MACROD2: variants seen among roughly 807,000 people sequenced by gnomAD.
MACROD2 encodes ADP-ribose glycohydrolase MACROD2.
A neutral mutation model predicts 70.4 loss-of-function variants in MACROD2; 36 were observed. The ratio of observed to expected loss-of-function variants is 0.51; its 90% CI spans 0.39 to 0.68. MACROD2 has a LOEUF of 0.68. Ranked by LOEUF, MACROD2 falls within the 30% of genes least tolerant of loss-of-function variation. The probability of loss-of-function intolerance (pLI) is 0.00; values close to 1 mark genes in which losing one functional copy is unlikely to be tolerated. For missense variants in MACROD2, 496 were observed against 538.4 expected (o/e 0.92, Z 0.78); for synonymous variants, 172 against 178.8 (o/e 0.96, Z 0.30).
chr20:15,879,318 G>C (rs963041268), intron 9 of MACROD2, among the ~76,000 whole-genome samples: 4 of 152,006 alleles, frequency 2.6e-5, no homozygotes, highest in Admixed American at 2.6e-4. Flanking sequence ...TACTTCCATA[G>C]ACTATCACCT....
At chr20:15,407,287 A>T (rs1428222509) in intron 6 of MACROD2, among the ~76,000 whole-genome samples, 2 of 151,992 alleles carry the variant, frequency 1.3e-5, no homozygotes, top group African/African-American at 4.8e-5. Flanking sequence ...GTGGGTAAAC[A>T]CCCTTGCTAA....
At chr20:14,811,219 G>A (rs1003522095) in intron 5 of MACROD2, among the ~76,000 whole-genome samples, 2 of 152,036 alleles carry the variant, frequency 1.3e-5, no homozygotes, top group Admixed American at 1.3e-4. Flanking sequence ...AAAACAGCAT[G>A]GTACTGGTAC....
At chr20:15,974,066 T>C (rs187544148) in intron 13 of MACROD2, among the ~76,000 whole-genome samples, 25 of 152,264 alleles carry the variant, frequency 1.6e-4, no homozygotes, top group African/African-American at 5.8e-4. Flanking sequence ...GTCCTTGCTA[T>C]AGGAATAGAC....
chr20:15,086,829 C>T (rs575190204), intron 5 of MACROD2, among the ~76,000 whole-genome samples: 5 of 151,968 alleles, frequency 3.3e-5, no homozygotes, highest in East Asian at 1.9e-4. Context: ...GTTCAAGATC[C>T]CCCGCTTACT....
intron 6 of MACROD2, among the ~76,000 whole-genome samples, chr20:15,251,672 T>C (rs575387532): frequency 6.6e-6 from 1 of 152,338 alleles, no homozygotes; most frequent in African/African-American, 2.4e-5. Context: ...GTTATCTTCT[T>C]TTCTTTTTCA....
chr20:14,584,457 A>T (rs1332038503), intron 4 of MACROD2, among the ~76,000 whole-genome samples: 1 of 152,102 alleles, frequency 6.6e-6, no homozygotes, highest in Non-Finnish European at 1.5e-5. Flanking sequence ...GGGCCAATTC[A>T]GTTTCTGGTG....
At chr20:14,023,555 T>G (rs1349185101) in intron 2 of MACROD2, among the ~76,000 whole-genome samples, 7 of 152,234 alleles carry the variant, frequency 4.6e-5, no homozygotes, top group Non-Finnish European at 1.0e-4. Context: ...AAGTCTTTAA[T>G]CTATCTTGAG....
intron 3 of MACROD2, among the ~76,000 whole-genome samples, chr20:14,463,923 G>C (rs2084405024): frequency 6.6e-6 from 1 of 151,904 alleles, no homozygotes; most frequent in African/African-American, 2.4e-5. Flanking sequence ...ATGTGTCACT[G>C]GGTTTGGTTT....
intron 2 of MACROD2, among the ~76,000 whole-genome samples, chr20:14,085,052 G>A (rs1207611207): frequency 7.1e-6 from 1 of 141,580 alleles, no homozygotes; most frequent in Non-Finnish European, 1.5e-5. Context: ...TGGGGGAGAG[G>A]TGGGCGGGGC....
At chr20:14,106,726 A>G (rs1202140964) in intron 3 of MACROD2, among the ~76,000 whole-genome samples, 1 of 152,148 alleles carries the variant, frequency 6.6e-6, no homozygotes, top group Non-Finnish European at 1.5e-5. Flanking sequence ...GTGGCTCAGC[A>G]TAGAGAAAGA....
At chr20:15,051,634 A>G (rs1358064020) in intron 5 of MACROD2, among the ~76,000 whole-genome samples, 1 of 152,122 alleles carries the variant, frequency 6.6e-6, no homozygotes, top group Non-Finnish European at 1.5e-5. Context: ...AACTGGTTGT[A>G]GATGTTAATC....
chr20:15,610,211 G>A (rs924791687), intron 8 of MACROD2, among the ~76,000 whole-genome samples: 41 of 152,134 alleles, frequency 2.7e-4, no homozygotes, highest in African/African-American at 7.7e-4. Flanking sequence ...TCCCACAACC[G>A]TTGCCACTTT....
intron 8 of MACROD2, among the ~76,000 whole-genome samples, chr20:15,783,929 C>T (rs914966388): frequency 1.3e-5 from 2 of 152,092 alleles, no homozygotes; most frequent in African/African-American, 4.8e-5. Context: ...TGCTGACCCA[C>T]GATGAGGAAA....
chr20:15,514,301 C>T (rs1277747304), intron 8 of MACROD2, among the ~76,000 whole-genome samples: 4 of 152,290 alleles, frequency 2.6e-5, no homozygotes, highest in Non-Finnish European at 1.5e-5. Flanking sequence ...CTGGCTTTCC[C>T]AGAGTAACTC....
chr20:15,572,218 G>A (rs2048385568), intron 8 of MACROD2, among the ~76,000 whole-genome samples: 1 of 152,002 alleles, frequency 6.6e-6, no homozygotes, highest in Non-Finnish European at 1.5e-5. Context: ...ATGTATCCTG[G>A]AAATGACAGC....
At chr20:14,517,282 C>G (rs936635181) in intron 4 of MACROD2, among the ~76,000 whole-genome samples, 31 of 152,098 alleles carry the variant, frequency 2.0e-4, no homozygotes, top group African/African-American at 6.8e-4. Context: ...AGACTTGGAA[C>G]CAACCCAAAT....
At chr20:15,516,406 A>G (rs970959782) in intron 8 of MACROD2, among the ~76,000 whole-genome samples, 3 of 152,166 alleles carry the variant, frequency 2.0e-5, no homozygotes, top group Non-Finnish European at 2.9e-5. Flanking sequence ...CACCCTAGGC[A>G]TTGCACACTA....
At chr20:14,229,126 A>G (rs1487236247) in intron 3 of MACROD2, among the ~76,000 whole-genome samples, 1 of 152,222 alleles carries the variant, frequency 6.6e-6, no homozygotes, top group Non-Finnish European at 1.5e-5. Context: ...ACTTTAGGAG[A>G]TAACATAGGA....
At chr20:14,015,864 TATCC>T (rs1359614708) in intron 2 of MACROD2, among the ~76,000 whole-genome samples, 1 of 152,270 alleles carries the variant, frequency 6.6e-6, no homozygotes, top group East Asian at 1.9e-4. Flanking sequence ...ACATTCTGTT[TATCC>T]ATTTAACTGT....
Sources: allele counts gnomAD v4.1 joint callset (sites outside exome capture counted in the v4.1 genomes callset), GRCh38; gene constraint gnomAD v4.1.1; transcripts MANE v1.5; gene names NCBI Gene and HGNC (gene_info 2026-07-23, HGNC 2026-07-21).